The following TRAPPC12 variants were observed in gnomAD, a reference collection of about 807,000 sequenced individuals.
TRAPPC12 encodes TPR repeat protein 15.
A neutral mutation model predicts 69.2 loss-of-function variants in TRAPPC12; 61 were observed. The ratio of observed to expected loss-of-function variants is 0.88; its 90% CI spans 0.72 to 1.09. The LOEUF (loss-of-function observed/expected upper bound fraction) is 1.09, where lower values mean the gene tolerates loss of function less well. TRAPPC12 is among the 50% of genes least tolerant of loss of function. The probability of loss-of-function intolerance (pLI) is 0.00; values close to 1 mark genes in which losing one functional copy is unlikely to be tolerated. For synonymous variants in TRAPPC12, 469 were observed against 438.9 expected (o/e 1.07, Z -0.86); for missense variants, 1,101 against 1,016.4 (o/e 1.08, Z -1.13).
At chr2:3,447,591 C>G (rs1664583167) in intron 6 of TRAPPC12, among the ~76,000 whole-genome samples, 1 of 152,094 alleles carries the variant, frequency 6.6e-6, no homozygotes, top group South Asian at 2.1e-4. Flanking sequence ...GGGATCCACC[C>G]CCAGGACACA....
intron 2 of TRAPPC12, among the ~76,000 whole-genome samples, chr2:3,401,490 C>T (rs1661440684): frequency 6.6e-6 from 1 of 152,206 alleles, no homozygotes; most frequent in South Asian, 2.1e-4. Context: ...GGCGGTAGGA[C>T]TTACCGTTTC....
At chr2:3,406,805 A>G (rs1048438652) in intron 3 of TRAPPC12, among the ~76,000 whole-genome samples, 1 of 152,184 alleles carries the variant, frequency 6.6e-6, no homozygotes, top group African/African-American at 2.4e-5. Flanking sequence ...ACACAAAGCC[A>G]TGCATGTTAA....
chr2:3,451,483 G>A (rs941340925), intron 6 of TRAPPC12, among the ~76,000 whole-genome samples: 6 of 152,208 alleles, frequency 3.9e-5, no homozygotes, highest in Non-Finnish European at 7.3e-5. Flanking sequence ...AGCTCATGCT[G>A]ATACCCAATG....
chr2:3,457,764 G>T (rs1027540834), intron 7 of TRAPPC12, 71 bp downstream of exon 7: 1 of 1,578,882 alleles, frequency 6.3e-7, no homozygotes, highest in Non-Finnish European at 8.6e-7. Context: ...AAAGCCTCTC[G>T]CTTCCTCTCC....
chr2:3,398,162 C>T (rs1463645171), intron 2 of TRAPPC12, among the ~76,000 whole-genome samples: 1 of 152,242 alleles, frequency 6.6e-6, no homozygotes, highest in African/African-American at 2.4e-5. Flanking sequence ...AGTAATGCTA[C>T]TGTGAACATT....
At chr2:3,390,665 T>C (rs1163575327) in intron 2 of TRAPPC12, among the ~76,000 whole-genome samples, 1 of 152,206 alleles carries the variant, frequency 6.6e-6, no homozygotes, top group Non-Finnish European at 1.5e-5. Context: ...GCTGGGTACA[T>C]GTTGTTATTT....
At chr2:3,398,170 A>T (rs1176638966) in intron 2 of TRAPPC12, among the ~76,000 whole-genome samples, 1 of 152,234 alleles carries the variant, frequency 6.6e-6, no homozygotes, top group Non-Finnish European at 1.5e-5. Context: ...TACTGTGAAC[A>T]TTCACACACA....
At chr2:3,436,980 C>A (rs1157103510) in intron 5 of TRAPPC12, among the ~76,000 whole-genome samples, 3 of 110,210 alleles carry the variant, frequency 2.7e-5, no homozygotes, top group Non-Finnish European at 5.6e-5. Context: ...CCCAATCACC[C>A]CTGGATTAAT....
chr2:3,462,078 C>G (rs1329281528), intron 8 of TRAPPC12, among the ~76,000 whole-genome samples: 1 of 152,228 alleles, frequency 6.6e-6, no homozygotes, highest in Admixed American at 6.5e-5. Context: ...ATTATAAATT[C>G]ACAGGACTGA....
At chr2:3,462,901 A>G (rs915419864) in intron 8 of TRAPPC12, 21 of 470,962 alleles carry the variant, frequency 4.5e-5, no homozygotes, top group African/African-American at 4.0e-4. Flanking sequence ...TCCGCACATG[A>G]TGGAAAGGAG....
intron 1 of TRAPPC12, among the ~76,000 whole-genome samples, chr2:3,385,192 T>G (rs573665566): frequency 1.3e-5 from 2 of 152,332 alleles, no homozygotes; most frequent in East Asian, 3.9e-4. Flanking sequence ...CTCTTGATTT[T>G]CTAGAGAAGA....
chr2:3,405,141 A>G (rs927260422), intron 3 of TRAPPC12, among the ~76,000 whole-genome samples: 5 of 135,958 alleles, frequency 3.7e-5, no homozygotes, highest in Non-Finnish European at 7.7e-5. Flanking sequence ...AGCAGGGTCT[A>G]CTTTATGTAG....
At chr2:3,456,316 C>T (rs1032151541) in intron 6 of TRAPPC12, 3 of 152,196 alleles carry the variant, frequency 2.0e-5, no homozygotes, top group African/African-American at 7.2e-5. Flanking sequence ...AAATCCTCAC[C>T]TCCTGGGGTG....
chr2:3,457,198 A>C (rs1260868382), intron 6 of TRAPPC12: 2 of 457,992 alleles, frequency 4.4e-6, no homozygotes, highest in Non-Finnish European at 8.8e-6. Context: ...TTAACACAGA[A>C]ACAGAAAACC....
intron 9 of TRAPPC12, among the ~76,000 whole-genome samples, chr2:3,471,812 G>A (rs1430726444): frequency 6.6e-6 from 1 of 152,152 alleles, no homozygotes; most frequent in Non-Finnish European, 1.5e-5. Flanking sequence ...GGGACTGAGA[G>A]GGTCCTCACT....
At chr2:3,408,833 G>A (rs144087968) in intron 3 of TRAPPC12, among the ~76,000 whole-genome samples, 138 of 152,326 alleles carry the variant, frequency 9.1e-4, no homozygotes, top group African/African-American at 3.2e-3. Context: ...TCCAAAAGAA[G>A]AGAATTATGT....
chr2:3,410,819 C>T (rs1489797047), intron 3 of TRAPPC12, among the ~76,000 whole-genome samples: 1 of 152,146 alleles, frequency 6.6e-6, no homozygotes, highest in Non-Finnish European at 1.5e-5. Flanking sequence ...ATCACGAGGT[C>T]AAGAGATCAA....
At chr2:3,436,384 G>C (rs1663776421) in intron 5 of TRAPPC12, among the ~76,000 whole-genome samples, 1 of 151,980 alleles carries the variant, frequency 6.6e-6, no homozygotes, top group African/African-American at 2.4e-5. Flanking sequence ...TAATACCTTG[G>C]AGACACCATC....
In TRAPPC12 at chr2:3,400,205, A is replaced by G. The variant is rs145958496; in HGVS notation, c.1048-1572A>G. 0.011 allele frequency among the ~76,000 whole-genome samples: 1,722 copies of G among 150,470 alleles called. 108 individuals carry two copies. The East Asian group carries it at 0.14, about 12-fold the overall frequency. On this transcript the variant is annotated intron_variant, in intron 2 of 11. Coordinates refer to ENST00000324266, the MANE Select transcript of TRAPPC12 (RefSeq NM_016030.6). ...CAGGCATTTCAGGGACCTCAGAGCC[A>G]CTGCTTCCTCCTCCCAGGATGCTCA...
Sources: allele counts gnomAD v4.1 joint callset (sites outside exome capture counted in the v4.1 genomes callset), GRCh38; gene constraint gnomAD v4.1.1; transcripts MANE v1.5; gene names NCBI Gene and HGNC (gene_info 2026-07-23, HGNC 2026-07-21).